RPS10: variants seen among roughly 807,000 people sequenced by gnomAD.
The protein encoded by RPS10 is small ribosomal subunit protein eS10.
Under a neutral mutation model 22.6 loss-of-function variants are expected in RPS10, and 2 were observed. That is an observed-to-expected ratio of 0.09 (90% CI 0.04 to 0.28). The LOEUF (loss-of-function observed/expected upper bound fraction) is 0.28. Among genes scored for constraint, RPS10 ranks in the 10% least tolerant of loss-of-function variants. The pLI, the probability that RPS10 is intolerant of heterozygous loss-of-function variation, is 1.00. For synonymous variants in RPS10, 70 were observed against 75.9 expected, an observed-to-expected ratio of 0.92 and a Z score of 0.40; for missense variants, 137 against 222.2, an observed-to-expected ratio of 0.62 and a Z score of 2.44.
In RPS10 at chr6:34,421,717, T is replaced by C. The variant is rs777059566; in HGVS notation, c.400+13A>G. The C allele has an allele frequency of 9.9e-6, 16 of 1,613,440 alleles. No homozygotes were observed. Among genetic ancestry groups the C allele is most frequent in the Non-Finnish European group, 1.3e-5 (15 of 1,179,850 alleles). ...ACCCCAACACCCCTAATATAGGTGA[T>C]GCATTTACTCACGTGGCACAGCACT... is the stretch of plus-strand genomic sequence containing the variant. On this transcript the variant is annotated intron_variant, in intron 4 of 5. Coordinates refer to ENST00000648437, the MANE Select transcript of RPS10 (RefSeq NM_001014.5).
intron 3 of RPS10, 112 bp downstream of exon 3, chr6:34,424,557 A>G: frequency 6.9e-7 from 1 of 1,444,414 alleles, no homozygotes; most frequent in East Asian, 2.5e-5. Context: ...CACTTGACCA[A>G]ATGCCTGCAG....
intron 3 of RPS10, among the ~76,000 whole-genome samples, chr6:34,423,460 A>G (rs940740091): frequency 5.3e-5 from 8 of 152,200 alleles, no homozygotes; most frequent in African/African-American, 1.4e-4. Context: ...AGCAGAAATA[A>G]ATTAATCATG....
At chr6:34,420,259 A>T (rs1293145222) in intron 4 of RPS10, among the ~76,000 whole-genome samples, 1 of 152,132 alleles carries the variant, frequency 6.6e-6, no homozygotes, top group African/African-American at 2.4e-5. Context: ...GCTGTTGCCC[A>T]GGGTGGAGTG....
chr6:34,418,017 C>G (rs1392488016), intron 5 of RPS10: 4 of 704,242 alleles, frequency 5.7e-6, no homozygotes, highest in South Asian at 3.4e-5. Context: ...CAGAGGGGAA[C>G]CTACCTAACA....
chr6:34,424,138 GTT>G (rs1765864705), intron 3 of RPS10: 1 of 8,238 alleles, frequency 1.2e-4, no homozygotes, highest in African/African-American at 4.5e-4. Context: ...GCAAGACTCC[GTT>G]AAAAAAAAAA....
Position 34,425,405 on chromosome 6 carries a change from C to G in RPS10, c.1-184G>C, listed in dbSNP as rs1006442403. ...TCAGTCCCCACCCCCAAACACAATT[C>G]AGGTGGAAAAGTTGACAGTATGTTA... On this transcript the variant is annotated intron_variant, in intron 1 of 5. Transcript: ENST00000648437. 20 of 711,872 alleles carry G rather than the reference C, an allele frequency of 2.8e-5. 2 individuals carry two copies. In the Admixed American group the frequency reaches 4.7e-4, roughly 17 times the overall value. 44.1% of individuals were successfully genotyped at this position (711,872 alleles called of 1,614,324 possible). A position where few individuals can be genotyped will look rare whatever the true frequency, so the allele number is the denominator to read the frequency against.
intron 3 of RPS10, chr6:34,424,166 C>CAAAAAAAAAAAAAAAAAAAA (rs1765871776): frequency 2.3e-4 from 3 of 12,966 alleles, no homozygotes; most frequent in East Asian, 2.3e-3. Flanking sequence ...AAAAAAAAAG[C>CAAAAAAAAAAAAAAAAAAAA]AACTGTGAGC....
chr6:34,424,648 G>A lies in RPS10; in HGVS notation c.322+21C>T, dbSNP rs372925198. 4.3e-6 allele frequency: 7 copies of A among 1,613,806 alleles called. No homozygotes were observed. In the Admixed American group the frequency reaches 8.3e-5, roughly 19 times the overall value. On this transcript the variant is annotated intron_variant, in intron 3 of 5. Coordinates refer to ENST00000648437, the MANE Select transcript of RPS10 (RefSeq NM_001014.5). ...AGAAACTATCTTCAAATAGCTGAAGGGATTTGTGTGGGAACCATACCTTTA... is the reference window on the plus strand; with the variant it reads ...AGAAACTATCTTCAAATAGCTGAAGAGATTTGTGTGGGAACCATACCTTTA...
chr6:34,421,898 A>G, intron 3 of RPS10, 91 bp from the exon 4 acceptor site: 1 of 1,368,620 alleles, frequency 7.3e-7, no homozygotes, highest in East Asian at 2.3e-5. Context: ...TCCTGTTGTC[A>G]CTCTCAGCAA....
intron 4 of RPS10, among the ~76,000 whole-genome samples, chr6:34,419,068 G>A (rs762351196): frequency 6.6e-6 from 1 of 152,102 alleles, no homozygotes; most frequent in African/African-American, 2.4e-5. Flanking sequence ...GCCCAGGCTA[G>A]AGTGCAATGG....
chr6:34,422,112 C>A (rs955043900), intron 3 of RPS10, among the ~76,000 whole-genome samples: 5 of 151,658 alleles, frequency 3.3e-5, no homozygotes, highest in Non-Finnish European at 7.4e-5. Context: ...CTATGAACAT[C>A]TGAATAGCTA....
At chr6:34,424,983 G>C (rs913850188) in intron 2 of RPS10, 89 bp downstream of exon 2, 1 of 1,608,294 alleles carries the variant, frequency 6.2e-7, no homozygotes, top group Non-Finnish European at 8.5e-7. Context: ...TTGAACCTTA[G>C]GGGAAGATCC....
At chr6:34,424,999 T>C in intron 2 of RPS10, 73 bp downstream of exon 2, 2 of 1,610,558 alleles carry the variant, frequency 1.2e-6, no homozygotes, top group Non-Finnish European at 1.7e-6. Flanking sequence ...GATCCCTCCA[T>C]CCCATTCCAT....
intron 5 of RPS10, 164 bp from the exon 6 acceptor site, chr6:34,417,711 A>G (rs539210378): frequency 2.8e-5 from 21 of 741,036 alleles, no homozygotes; most frequent in Non-Finnish European, 4.9e-5. Flanking sequence ...CCCTTACTGG[A>G]TGTGGGGCCA....
intron 4 of RPS10, among the ~76,000 whole-genome samples, chr6:34,421,442 C>CG (rs1765765880): frequency 6.6e-6 from 1 of 151,930 alleles, no homozygotes; most frequent in Admixed American, 6.6e-5. Flanking sequence ...CTTCGACCCC[C>CG]CCCCTCCAAC....
chr6:34,425,343 C>G (rs1765919230), intron 1 of RPS10, 122 bp from the exon 2 acceptor site: 3 of 1,302,232 alleles, frequency 2.3e-6, no homozygotes, highest in South Asian at 1.3e-5. Flanking sequence ...TGGGAAGACT[C>G]AACTCCACAA....
rs1295363749 is a variant in RPS10, at chr6:34,424,759, A to G, written c.232T>C (p.Tyr78His). Reference sequence around the variant, plus strand: ...GGCAGATGAAGGTAATCACGGAGATACTGGATACCCTCATTGGTAAGGTAC... The same window carrying G: ...GGCAGATGAAGGTAATCACGGAGATGCTGGATACCCTCATTGGTAAGGTAC... ...YWYLTNEGIQ[Y>H]LRDYLHLPPE... The change falls in exon 3 of 6, where the codon TAT becomes CAT. Residue 78 changes from tyrosine (Y) to histidine (H), a missense_variant. Transcript: ENST00000648437. 1 of 1,614,120 alleles carries G rather than the reference A, an allele frequency of 6.2e-7. No homozygotes were observed. Among genetic ancestry groups the G allele is most frequent in the South Asian group, 1.1e-5 (1 of 91,082 alleles).
At chr6:34,423,599 T>C (rs1765842615) in intron 3 of RPS10, among the ~76,000 whole-genome samples, 1 of 152,104 alleles carries the variant, frequency 6.6e-6, no homozygotes, top group East Asian at 1.9e-4. Flanking sequence ...AAAGACGTAT[T>C]ATGGGCTGGG....
intron 4 of RPS10, 32 bp downstream of exon 4, chr6:34,421,698 A>G: frequency 1.2e-6 from 2 of 1,612,122 alleles, no homozygotes; most frequent in Middle Eastern, 1.9e-4. Flanking sequence ...TTTCACCCCA[A>G]CACCCCTAAT....
Sources: allele counts gnomAD v4.1 joint callset (sites outside exome capture counted in the v4.1 genomes callset), GRCh38; gene constraint gnomAD v4.1.1; transcripts MANE v1.5; gene names NCBI Gene and HGNC (gene_info 2026-07-23, HGNC 2026-07-21).